HYCC1: variants seen among roughly 807,000 people sequenced by gnomAD.
HYCC1 encodes the protein hyccin PI4KA lipid kinase complex subunit 1.
At chr7:22,988,725 A>G in the HYCC1 span, among the ~76,000 whole-genome samples, 1 of 152,220 alleles carries the variant, frequency 6.6e-6, no homozygotes, top group African/African-American at 2.4e-5. Context: ...TCGCTGTTCC[A>G]TGATTGTAAT....
the HYCC1 span, chr7:22,945,498 G>T: frequency 2.1e-6 from 2 of 934,656 alleles, no homozygotes; most frequent in Non-Finnish European, 3.5e-6. Context: ...CTCCTGTCAG[G>T]AATACGGATG....
the HYCC1 span, among the ~76,000 whole-genome samples, chr7:22,954,182 T>C: frequency 6.6e-6 from 1 of 151,182 alleles, no homozygotes. Flanking sequence ...ACCATTTACC[T>C]TTTGTAATAT....
chr7:22,969,913 C>T, the HYCC1 span, among the ~76,000 whole-genome samples: 2 of 152,070 alleles, frequency 1.3e-5, no homozygotes, highest in Admixed American at 1.3e-4. Context: ...GACATGTTGA[C>T]AGAGATGGTT....
the HYCC1 span, among the ~76,000 whole-genome samples, chr7:22,975,419 T>C: frequency 1.3e-5 from 2 of 152,178 alleles, no homozygotes; most frequent in African/African-American, 4.8e-5. Context: ...ATTTTTAAAA[T>C]GTGAATATAC....
the HYCC1 span, among the ~76,000 whole-genome samples, chr7:22,915,884 C>T: frequency 6.6e-6 from 1 of 152,074 alleles, no homozygotes; most frequent in East Asian, 1.9e-4. Flanking sequence ...GACTTTTTAA[C>T]TAAATTATCT....
the HYCC1 span, chr7:22,938,326 G>T: frequency 6.6e-6 from 1 of 152,226 alleles, no homozygotes; most frequent in African/African-American, 2.4e-5. Context: ...CACTAATTCT[G>T]AACTATCAAC....
the HYCC1 span, among the ~76,000 whole-genome samples, chr7:22,965,017 C>A: frequency 2.0e-5 from 3 of 151,698 alleles, no homozygotes; most frequent in Non-Finnish European, 4.4e-5. Flanking sequence ...GCCTGTATTC[C>A]CAGCTACTAG....
At chr7:22,978,508 A>G in the HYCC1 span, 5 of 1,352,886 alleles carry the variant, frequency 3.7e-6, no homozygotes, top group Non-Finnish European at 5.3e-6. Flanking sequence ...GAACTACTAT[A>G]TGAAGTATAA....
the HYCC1 span, among the ~76,000 whole-genome samples, chr7:23,006,864 AACAAAAATAAT>A: frequency 6.6e-6 from 1 of 152,220 alleles, no homozygotes; most frequent in East Asian, 1.9e-4. Flanking sequence ...CAAGGCTCAC[AACAAAAATAAT>A]TCAAACTAAA....
At chr7:22,903,605 C>T in the HYCC1 span, among the ~76,000 whole-genome samples, 1 of 152,178 alleles carries the variant, frequency 6.6e-6, no homozygotes. Flanking sequence ...TTCTAGGACA[C>T]TTAGTTTCAC....
At chr7:23,003,938 A>G in the HYCC1 span, among the ~76,000 whole-genome samples, 1 of 152,226 alleles carries the variant, frequency 6.6e-6, no homozygotes, top group African/African-American at 2.4e-5. Flanking sequence ...ATCAGAAACT[A>G]TGTGGATATT....
the HYCC1 span, among the ~76,000 whole-genome samples, chr7:22,994,599 T>A: frequency 1.3e-5 from 2 of 152,108 alleles, no homozygotes; most frequent in African/African-American, 4.8e-5. Context: ...TTGATAGAGA[T>A]CAAATGGGAG....
the HYCC1 span, among the ~76,000 whole-genome samples, chr7:22,952,520 G>T: frequency 6.6e-6 from 1 of 151,984 alleles, no homozygotes; most frequent in Non-Finnish European, 1.5e-5. Flanking sequence ...TGGTCTTAAA[G>T]TGAGGTCAAA....
At chr7:22,997,960 T>C in the HYCC1 span, among the ~76,000 whole-genome samples, 1 of 152,316 alleles carries the variant, frequency 6.6e-6, no homozygotes, top group African/African-American at 2.4e-5. Context: ...ACCAGCCCAG[T>C]GTGTTTCTGT....
chr7:22,916,794 C>A, the HYCC1 span, among the ~76,000 whole-genome samples: 2 of 152,202 alleles, frequency 1.3e-5, no homozygotes, highest in South Asian at 4.1e-4. Flanking sequence ...TTGAGGCTAC[C>A]ACTCTGCCCC....
the HYCC1 span, among the ~76,000 whole-genome samples, chr7:22,924,195 A>AAAGG: frequency 2.2e-5 from 3 of 136,656 alleles, no homozygotes; most frequent in East Asian, 4.2e-4. Context: ...AAAAAAAAAA[A>AAAGG]GGGGGGTGGA....
the HYCC1 span, among the ~76,000 whole-genome samples, chr7:23,011,328 T>C: frequency 2.0e-5 from 3 of 152,314 alleles, no homozygotes; most frequent in East Asian, 1.9e-4. Context: ...CATCCACAGA[T>C]ACAAACATCT....
the HYCC1 span, among the ~76,000 whole-genome samples, chr7:22,957,123 G>A: frequency 2.0e-5 from 3 of 151,982 alleles, no homozygotes; most frequent in East Asian, 1.9e-4. Context: ...AGATTGGGCT[G>A]TAAAGAAAAT....
the HYCC1 span, among the ~76,000 whole-genome samples, chr7:22,988,342 C>T: frequency 6.6e-6 from 1 of 152,090 alleles, no homozygotes; most frequent in African/African-American, 2.4e-5. Context: ...TTCCTGCAGG[C>T]CATGATTCAC....
Sources: allele counts gnomAD v4.1 joint callset (sites outside exome capture counted in the v4.1 genomes callset), GRCh38; gene constraint gnomAD v4.1.1; transcripts MANE v1.5; gene names NCBI Gene and HGNC (gene_info 2026-07-23, HGNC 2026-07-21).